The following RC3H1 variants were observed in gnomAD, a reference collection of about 807,000 sequenced individuals.
The protein encoded by RC3H1 is roquin-1.
In RC3H1, 50 loss-of-function variants were observed where a neutral mutation model predicts 138.2. That is an observed-to-expected ratio of 0.36 (90% CI 0.29 to 0.46). The LOEUF (loss-of-function observed/expected upper bound fraction) is 0.46. RC3H1 is among the 20% of genes least tolerant of loss of function. The pLI is 1.00. For missense variants in RC3H1, 1,031 were observed against 1,388.1 expected, an observed-to-expected ratio of 0.74 and a Z score of 4.09; for synonymous variants, 462 against 489.1, an observed-to-expected ratio of 0.94 and a Z score of 0.73.
chr1:173,939,908 T>C, intron 19 of RC3H1, among the ~76,000 whole-genome samples: 1 of 152,030 alleles, frequency 6.6e-6, no homozygotes, highest in East Asian at 1.9e-4. Context: ...CTGAAAGCAT[T>C]AGAAATTTTT....
At chr1:173,983,067 G>T in intron 4 of RC3H1, 165 bp from the exon 5 acceptor site, 1 of 534,134 alleles carries the variant, frequency 1.9e-6, no homozygotes, top group Admixed American at 3.7e-5. Flanking sequence ...GAGCAATTTT[G>T]TATTACATTC....
At chr1:173,984,668 T>C in intron 2 of RC3H1, 49 bp from the exon 3 acceptor site, 1 of 1,587,196 alleles carries the variant, frequency 6.3e-7, no homozygotes, top group African/African-American at 1.4e-5. Context: ...TCATTAATTG[T>C]TTTATTTAGT....
rs11292740 is a variant in RC3H1 at position 173,980,493 on chromosome 1, AT to A, written c.969+315del. ...ATTAAGATTTTAGTAAATGTTCATT[AT>A]TTTTTTTTTAGGTTACTCTTACTAT... On this transcript the variant is annotated intron_variant, in intron 6 of 19. Transcript: ENST00000367696. 9.8e-3 allele frequency among the ~76,000 whole-genome samples: 1,460 copies of A among 149,296 alleles called. 25 individuals carry two copies. The highest frequency in any genetic ancestry group is 0.034 in the African/African-American group (1,389 of 40,936).
chr1:174,003,662 ATTT>A (rs1296950005), intron 1 of RC3H1, among the ~76,000 whole-genome samples: 1 of 143,116 alleles, frequency 7.0e-6, no homozygotes. Context: ...AAATCAGAGA[ATTT>A]TTTTTTTTTT....
intron 17 of RC3H1, among the ~76,000 whole-genome samples, chr1:173,945,833 G>A (rs780204523): frequency 7.9e-5 from 12 of 151,676 alleles, no homozygotes; most frequent in African/African-American, 1.2e-4. Flanking sequence ...TCAGCCTCCT[G>A]ATTAGCTGGG....
chr1:173,995,351 T>G (rs1397055005), intron 1 of RC3H1, among the ~76,000 whole-genome samples: 1 of 151,630 alleles, frequency 6.6e-6, no homozygotes, highest in African/African-American at 2.4e-5. Context: ...CTGACCAACA[T>G]GGAGAAACCC....
intron 7 of RC3H1, among the ~76,000 whole-genome samples, chr1:173,973,341 TC>T (rs1207207359): frequency 6.6e-6 from 1 of 151,994 alleles, no homozygotes; most frequent in Non-Finnish European, 1.5e-5. Context: ...ATGGAGACCA[TC>T]CTGGCCAGCA....
At chr1:173,964,339 CT>C (rs1660008058) in intron 10 of RC3H1, 152 bp from the exon 11 acceptor site, 1 of 625,414 alleles carries the variant, frequency 1.6e-6, no homozygotes, top group Non-Finnish European at 2.8e-6. Context: ...CTTATTTCCC[CT>C]ATGTTAATTG....
chr1:173,944,965 A>G (rs1029793736), intron 17 of RC3H1, among the ~76,000 whole-genome samples: 1 of 151,968 alleles, frequency 6.6e-6, no homozygotes, highest in African/African-American at 2.4e-5. Context: ...AGACAGACTA[A>G]TGTTCTAACA....
In RC3H1 at chr1:173,936,747, ATATATATATATATATT is replaced by A. The variant is rs1273535376; in HGVS notation, c.*1958_*1973del. On this transcript the variant is annotated 3_prime_UTR_variant, in exon 20 of 20. Coordinates refer to ENST00000367696, the MANE Select transcript of RC3H1 (RefSeq NM_172071.4). The stretch of plus-strand genomic sequence containing the variant: ...AAAGCATACATATATATATATATAT[ATATATATATATATATT>A]TTTTTTTTTTTTTTTAAAAAAAGAA... 0.011 allele frequency: 637 copies of A among 57,808 alleles called. 13 individuals are homozygous for A. The highest frequency in any genetic ancestry group is 0.045 in the African/African-American group (612 of 13,736). The allele number at this position is 57,808 out of a possible 1,614,324, so 3.6% of individuals were successfully genotyped here. A position where few individuals can be genotyped will look rare whatever the true frequency, so the allele number is the denominator to read the frequency against.
chr1:173,951,563 C>T lies in RC3H1; in HGVS notation c.2523+423G>A, dbSNP rs139798636. 6.6e-5 allele frequency among the ~76,000 whole-genome samples: 10 copies of T among 151,142 alleles called. 2 individuals are homozygous for T. The highest frequency in any genetic ancestry group is 3.9e-4 in the East Asian group (2 of 5,130). Reference sequence around the variant, plus strand: ...AAAAAAAAATTTTTTTTTTTTGAGACGGAGTCTCGCTTTGTCACCCAGGCT... The same window carrying T: ...AAAAAAAAATTTTTTTTTTTTGAGATGGAGTCTCGCTTTGTCACCCAGGCT... On this transcript the variant is annotated intron_variant, in intron 14 of 19. Transcript: ENST00000367696.
At chr1:173,968,928 G>A (rs13353008) in intron 9 of RC3H1, among the ~76,000 whole-genome samples, 2,165 of 142,614 alleles carry the variant, frequency 0.015, 59 homozygotes, top group African/African-American at 0.056. Flanking sequence ...GTGCAATCTC[G>A]GCTCACTGCA....
rs1172020194 is a variant in RC3H1 at position 173,936,988 on chromosome 1, G to A, written c.*1733C>T. ...TATAAATTTTTATTTAAATAAAAAAGAAAGCTCGAATCCCAAGCCAATATG... is the reference window on the plus strand; with the variant it reads ...TATAAATTTTTATTTAAATAAAAAAAAAAGCTCGAATCCCAAGCCAATATG... On this transcript the variant is annotated 3_prime_UTR_variant, in exon 20 of 20. Coordinates refer to ENST00000367696, the MANE Select transcript of RC3H1 (RefSeq NM_172071.4). The A allele has an allele frequency of 6.7e-6, 1 of 148,598 alleles. No individual in the cohort carries two copies. Among genetic ancestry groups the A allele is most frequent in the Non-Finnish European group, 1.5e-5 (1 of 67,372 alleles). 9.2% of individuals were successfully genotyped at this position (148,598 alleles called of 1,614,324 possible).
chr1:173,954,292 G>A (rs1184567244), intron 13 of RC3H1, among the ~76,000 whole-genome samples: 2 of 152,144 alleles, frequency 1.3e-5, no homozygotes, highest in African/African-American at 4.8e-5. Context: ...TGAGCCTAGA[G>A]GACATCACAT....
At position 173,965,213 on chromosome 1, in the gene RC3H1, T is replaced by G. The variant is rs370386553; in HGVS notation, c.1335-93A>C. 6.2e-5 allele frequency: 71 copies of G among 1,148,922 alleles called. No homozygotes were observed. The South Asian group carries it at 1.1e-3, about 17-fold the overall frequency. The allele number at this position is 1,148,922 out of a possible 1,614,324, so 71.2% of individuals were successfully genotyped here. ...TTAATATTATTTTCTAGAAATATTC[T>G]CTCTTGAAACATTAACTCTATCAGT... is the stretch of plus-strand genomic sequence containing the variant. On this transcript the variant is annotated intron_variant, in intron 9 of 19. Transcript: ENST00000367696.
chr1:173,970,754 T>C lies in RC3H1; in HGVS notation c.1222-137A>G, dbSNP rs539923552. The C allele has an allele frequency of 4.6e-5, 25 of 540,434 alleles. 1 individual carries two copies. In the South Asian group the frequency reaches 6.5e-4, roughly 14 times the overall value. 33.5% of individuals were successfully genotyped at this position (540,434 alleles called of 1,614,324 possible). A position where few individuals can be genotyped will look rare whatever the true frequency, so the allele number is the denominator to read the frequency against. ...TTTAGATTACCAAGAGCAAAAGTGC[T>C]GGAAAGTCATTCTGTCTGAAGTTTC... On this transcript the variant is annotated intron_variant, in intron 8 of 19. Coordinates refer to ENST00000367696, the MANE Select transcript of RC3H1 (RefSeq NM_172071.4).
Position 173,941,332 on chromosome 1 carries a change from G to T in RC3H1, c.3184C>A (p.Gln1062Lys). 1 of 1,613,750 alleles carries T rather than the reference G, an allele frequency of 6.2e-7. No individual in the cohort carries two copies. Among genetic ancestry groups the T allele is most frequent in the Non-Finnish European group, 8.5e-7 (1 of 1,179,866 alleles). Residue 1062 changes from glutamine to lysine, a missense_variant, in exon 19 of 20, where the codon CAA becomes AAA. By Grantham distance (53) the Gln-to-Lys change is moderately conservative. Around this residue, in one of 7 missense-constraint regions of RC3H1, gnomAD observed 716 missense variants for 837.9 expected, o/e 0.85. Coordinates refer to ENST00000367696, the MANE Select transcript of RC3H1 (RefSeq NM_172071.4). Reference protein sequence around the residue: ...DMKSKLNTSKQAENGQPEPQN... With the variant: ...DMKSKLNTSKKAENGQPEPQN... ...GGTTCTGGTTGTCCATTTTCTGCTT[G>T]TTTACTTGTATTCAGTTTGCTTTTC...
intron 1 of RC3H1, among the ~76,000 whole-genome samples, chr1:174,013,504 C>G (rs550173292): frequency 6.6e-6 from 1 of 151,360 alleles, no homozygotes; most frequent in Non-Finnish European, 1.5e-5. Flanking sequence ...TGTAGTGGCG[C>G]GATCTCAGCT....
Position 174,022,016 on chromosome 1 carries a change from C to G in RC3H1, c.-151+80G>C, listed in dbSNP as rs991762704. 5.1e-5 allele frequency: 20 copies of G among 389,020 alleles called. No homozygotes were observed. Among genetic ancestry groups the G allele is most frequent in the Middle Eastern group, 6.6e-4 (1 of 1,526 alleles). 24.1% of individuals were successfully genotyped at this position (389,020 alleles called of 1,614,324 possible). On this transcript the variant is annotated intron_variant, in intron 1 of 19. Coordinates refer to ENST00000367696, the MANE Select transcript of RC3H1 (RefSeq NM_172071.4). The surrounding 1 kb of genome is among the most constrained non-coding windows in gnomAD (Gnocchi z 4.2). ...GCGGGCGAGGACAAACCCTTCCCGA[C>G]CACAGCTGCCTATTGTTCCCGACTG...
Sources: allele counts gnomAD v4.1 joint callset (sites outside exome capture counted in the v4.1 genomes callset), GRCh38; gene constraint gnomAD v4.1.1; regional missense constraint gnomAD v4.1.1; non-coding constraint Gnocchi (gnomAD v3.1); transcripts MANE v1.5; gene names NCBI Gene and HGNC (gene_info 2026-07-23, HGNC 2026-07-21).